PTK2B: variants seen among roughly 807,000 people sequenced by gnomAD.
PTK2B encodes protein tyrosine kinase 2 beta.
Under a neutral mutation model 142.9 loss-of-function variants are expected in PTK2B, and 71 were observed. The ratio of observed to expected loss-of-function variants is 0.50; its 90% CI spans 0.41 to 0.61. PTK2B has a LOEUF of 0.61. Among genes scored for constraint, PTK2B ranks in the 20% least tolerant of loss-of-function variants. The pLI, the probability that PTK2B is intolerant of heterozygous loss-of-function variation, is 0.00. For synonymous variants in PTK2B, 519 were observed against 503.4 expected (o/e 1.03, Z -0.42); for missense variants, 1,105 against 1,320.4 (o/e 0.84, Z 2.53).
chr8:27,317,284 G>A (rs1803114805), intron 3 of PTK2B, among the ~76,000 whole-genome samples: 1 of 152,160 alleles, frequency 6.6e-6, no homozygotes, highest in Admixed American at 6.5e-5. Context: ...TGATTGATTT[G>A]AGCTAATCAG....
intron 2 of PTK2B, among the ~76,000 whole-genome samples, chr8:27,417,365 A>G (rs559886710): frequency 2.0e-5 from 3 of 152,278 alleles, no homozygotes; most frequent in Admixed American, 1.3e-4. Context: ...ATTTATACGA[A>G]GTTCTAGAAC....
At chr8:27,380,539 T>G (rs1806949186) in intron 1 of PTK2B, 1 of 152,172 alleles carries the variant, frequency 6.6e-6, no homozygotes, top group South Asian at 2.1e-4. Flanking sequence ...ACACCTATTT[T>G]TTTTTTCTCT....
rs1805835728 is a variant in PTK2B at position 27,363,452 on chromosome 8, C to G, written c.-37-34096C>G. On this transcript the variant is annotated intron_variant, in intron 1 of 30. Transcript: ENST00000346049. This position sits in a 1 kb window ranked among gnomAD's most constrained non-coding sequence, Gnocchi z 4.3. The stretch of plus-strand genomic sequence containing the variant: ...GGAAGGTTTTTTAATAATTAGAGCT[C>G]CGAGCAATGGGACAGGTTGCAGAAA... 6.6e-6 allele frequency among the ~76,000 whole-genome samples: 1 copy of G among 152,058 alleles called. No individual in the cohort carries two copies. The highest frequency in any genetic ancestry group is 2.1e-4 in the South Asian group (1 of 4,812).
chr8:27,337,697 G>A (rs752577343), intron 1 of PTK2B, among the ~76,000 whole-genome samples: 9 of 152,148 alleles, frequency 5.9e-5, no homozygotes, highest in Non-Finnish European at 1.0e-4. Context: ...ACTTCGTTTC[G>A]TTTTGATTGA....
intron 2 of PTK2B, among the ~76,000 whole-genome samples, chr8:27,401,104 A>T (rs1053189786): frequency 6.6e-6 from 1 of 151,660 alleles, no homozygotes; most frequent in African/African-American, 2.4e-5. Flanking sequence ...GTGCCATTGC[A>T]CTCCAGCCCA....
intron 1 of PTK2B, among the ~76,000 whole-genome samples, chr8:27,357,411 A>C (rs1458057717): frequency 6.6e-6 from 1 of 152,204 alleles, no homozygotes; most frequent in Non-Finnish European, 1.5e-5. Context: ...GGGTCTTCTC[A>C]TGATCTTGTA....
intron 18 of PTK2B, 120 bp from the exon 19 acceptor site, chr8:27,438,911 G>A: frequency 1.1e-6 from 1 of 907,546 alleles, no homozygotes; most frequent in South Asian, 1.5e-5. Flanking sequence ...ATTCTGCTCT[G>A]GAGTCCGAGT....
intron 13 of PTK2B, among the ~76,000 whole-genome samples, chr8:27,434,989 A>G (rs140742992): frequency 6.6e-6 from 1 of 151,086 alleles, no homozygotes; most frequent in East Asian, 2.0e-4. Flanking sequence ...ACCCAGCAAG[A>G]CTCCATCTCA....
At chr8:27,385,383 A>G (rs990654032) in intron 1 of PTK2B, among the ~76,000 whole-genome samples, 6 of 152,132 alleles carry the variant, frequency 3.9e-5, no homozygotes, top group African/African-American at 1.2e-4. Context: ...CTCTTGGAGA[A>G]CTGTTCAGAG....
At chr8:27,386,223 T>G (rs1807344669) in intron 1 of PTK2B, among the ~76,000 whole-genome samples, 1 of 152,226 alleles carries the variant, frequency 6.6e-6, no homozygotes, top group Admixed American at 6.5e-5. Flanking sequence ...GCATTTTGTT[T>G]TGATTCTCAT....
intron 30 of PTK2B, among the ~76,000 whole-genome samples, chr8:27,457,975 CAAAAAAAAAAA>C (rs11317355): frequency 2.1e-5 from 2 of 94,044 alleles, no homozygotes; most frequent in South Asian, 3.4e-4. Context: ...AACTCAGTCT[CAAAAAAAAAAA>C]AAAAAAAAAA....
chr8:27,364,703 T>C (rs1436542254), intron 1 of PTK2B, among the ~76,000 whole-genome samples: 1 of 152,232 alleles, frequency 6.6e-6, no homozygotes, highest in Non-Finnish European at 1.5e-5. Flanking sequence ...CACCTTCTCA[T>C]CCTGACTTGA....
intron 3 of PTK2B, among the ~76,000 whole-genome samples, chr8:27,320,408 A>T (rs1183503490): frequency 6.6e-6 from 1 of 152,096 alleles, no homozygotes; most frequent in Non-Finnish European, 1.5e-5. Context: ...TCAGTCCCAC[A>T]GGACTGCCCC....
intron 2 of PTK2B, among the ~76,000 whole-genome samples, chr8:27,418,218 G>A (rs1038464765): frequency 3.9e-5 from 6 of 152,182 alleles, no homozygotes; most frequent in Admixed American, 3.9e-4. Flanking sequence ...GGATTTTTCA[G>A]GCTGAGGGTC....
chr8:27,362,277 C>G (rs1805755195), intron 1 of PTK2B, among the ~76,000 whole-genome samples: 1 of 152,168 alleles, frequency 6.6e-6, no homozygotes, highest in Non-Finnish European at 1.5e-5. Flanking sequence ...ACCTGTCCTC[C>G]CCTCTCCACT....
intron 1 of PTK2B, among the ~76,000 whole-genome samples, chr8:27,344,991 C>A (rs1372737072): frequency 6.6e-6 from 1 of 152,148 alleles, no homozygotes; most frequent in African/African-American, 2.4e-5. Context: ...GGCAAAACCT[C>A]GTCTCTACTA....
chr8:27,378,000 A>G (rs1463730622), intron 1 of PTK2B, among the ~76,000 whole-genome samples: 1 of 152,210 alleles, frequency 6.6e-6, no homozygotes, highest in Non-Finnish European at 1.5e-5. Flanking sequence ...TGGTTCCCTC[A>G]CTTGTAAAAA....
chr8:27,454,739 C>A, intron 30 of PTK2B, 128 bp downstream of exon 30: 1 of 962,438 alleles, frequency 1.0e-6, no homozygotes, highest in Non-Finnish European at 1.6e-6. Flanking sequence ...CAGGTGGGTT[C>A]TATGTGGCTT....
At chr8:27,400,177 C>T (rs921488142) in intron 2 of PTK2B, among the ~76,000 whole-genome samples, 1 of 152,110 alleles carries the variant, frequency 6.6e-6, no homozygotes, top group African/African-American at 2.4e-5. Flanking sequence ...AAGAAGTGTG[C>T]CCTCGGGAAG....
Sources: allele counts gnomAD v4.1 joint callset (sites outside exome capture counted in the v4.1 genomes callset), GRCh38; gene constraint gnomAD v4.1.1; non-coding constraint Gnocchi (gnomAD v3.1); transcripts MANE v1.5; gene names NCBI Gene and HGNC (gene_info 2026-07-23, HGNC 2026-07-21).